GALNTL6: variants seen among roughly 807,000 people sequenced by gnomAD.
GALNTL6 encodes the protein polypeptide N-acetylgalactosaminyltransferase-like 6.
GALNTL6 carries 46 observed loss-of-function variants against 73.7 expected under a neutral mutation model. The observed-to-expected ratio is 0.62, with a 90% CI of 0.49 to 0.80. The LOEUF (loss-of-function observed/expected upper bound fraction) is 0.80. Ranked by LOEUF, GALNTL6 falls within the 30% of genes least tolerant of loss-of-function variation. GALNTL6 has a pLI of 0.00. For synonymous variants in GALNTL6, 259 were observed against 263.7 expected (o/e 0.98, Z 0.17); for missense variants, 604 against 755.0 (o/e 0.80, Z 2.34).
intron 5 of GALNTL6, among the ~76,000 whole-genome samples, chr4:172,665,953 G>T (rs1336621876): frequency 2.0e-5 from 3 of 151,882 alleles, no homozygotes; most frequent in East Asian, 3.9e-4. Context: ...TTTTACCTCT[G>T]TCCCCTTCTT....
intron 3 of GALNTL6, among the ~76,000 whole-genome samples, chr4:172,245,705 C>T (rs1463344801): frequency 6.6e-6 from 1 of 152,152 alleles, no homozygotes; most frequent in African/African-American, 2.4e-5. Context: ...TATCCAAGAT[C>T]TGGCACAAAT....
chr4:172,310,056 C>T (rs1369273242), intron 3 of GALNTL6, among the ~76,000 whole-genome samples: 1 of 151,880 alleles, frequency 6.6e-6, no homozygotes, highest in Admixed American at 6.6e-5. Flanking sequence ...TTTATTAAAC[C>T]GTTCATACAG....
intron 5 of GALNTL6, among the ~76,000 whole-genome samples, chr4:172,451,030 A>G (rs1732189194): frequency 6.6e-6 from 1 of 152,222 alleles, no homozygotes; most frequent in Non-Finnish European, 1.5e-5. Flanking sequence ...CAGCATTCCC[A>G]GTGCCCAGAC....
chr4:172,633,048 C>T (rs997817336), intron 5 of GALNTL6, among the ~76,000 whole-genome samples: 1 of 152,194 alleles, frequency 6.6e-6, no homozygotes, highest in Admixed American at 6.5e-5. Flanking sequence ...GATGTCCAGG[C>T]AGATGTTTGC....
At chr4:172,651,289 A>C (rs920846013) in intron 5 of GALNTL6, among the ~76,000 whole-genome samples, 1 of 152,236 alleles carries the variant, frequency 6.6e-6, no homozygotes, top group African/African-American at 2.4e-5. Flanking sequence ...GTTCTATAAA[A>C]GGGAAATGAT....
intron 5 of GALNTL6, among the ~76,000 whole-genome samples, chr4:172,744,730 G>A (rs1736994721): frequency 6.6e-6 from 1 of 152,016 alleles, no homozygotes; most frequent in South Asian, 2.1e-4. Context: ...TTATCTCTCA[G>A]TTGGCCTCTG....
At chr4:172,073,048 A>G (rs1731594318) in intron 2 of GALNTL6, among the ~76,000 whole-genome samples, 1 of 152,124 alleles carries the variant, frequency 6.6e-6, no homozygotes, top group Non-Finnish European at 1.5e-5. Context: ...AATTCTTAAC[A>G]TTAGACTAAT....
intron 6 of GALNTL6, among the ~76,000 whole-genome samples, chr4:172,812,779 A>G (rs887735007): frequency 1.3e-5 from 2 of 152,232 alleles, no homozygotes; most frequent in African/African-American, 4.8e-5. Flanking sequence ...TTTCTCGTAC[A>G]TAAATTGGGG....
chr4:172,245,469 A>G (rs918465320), intron 3 of GALNTL6, among the ~76,000 whole-genome samples: 1 of 152,176 alleles, frequency 6.6e-6, no homozygotes, highest in African/African-American at 2.4e-5. Flanking sequence ...GAAGAAGAGT[A>G]AGAACTAAAA....
At chr4:171,903,407 C>T (rs1004206074) in intron 2 of GALNTL6, among the ~76,000 whole-genome samples, 2 of 152,106 alleles carry the variant, frequency 1.3e-5, no homozygotes, top group Non-Finnish European at 2.9e-5. Flanking sequence ...AATCGGGTCA[C>T]TCCCACCCAA....
intron 5 of GALNTL6, among the ~76,000 whole-genome samples, chr4:172,603,448 A>T (rs962430526): frequency 6.6e-6 from 1 of 152,158 alleles, no homozygotes; most frequent in African/African-American, 2.4e-5. Flanking sequence ...CAAACCAGTA[A>T]ATAGTCATTG....
chr4:172,956,913 A>G (rs1749778267), intron 10 of GALNTL6, among the ~76,000 whole-genome samples: 1 of 152,104 alleles, frequency 6.6e-6, no homozygotes, highest in South Asian at 2.1e-4. Context: ...TGCTTGGGTG[A>G]TTTGACTAGT....
At chr4:172,752,046 T>TAAAAAAAAAAAAAAA (rs5864166) in intron 5 of GALNTL6, among the ~76,000 whole-genome samples, 1 of 135,022 alleles carries the variant, frequency 7.4e-6, no homozygotes, top group Non-Finnish European at 1.6e-5. Context: ...AACTTAAACT[T>TAAAAAAAAAAAAAAA]AAAAAAAAAA....
chr4:172,223,556 G>T (rs934231761), intron 2 of GALNTL6, among the ~76,000 whole-genome samples: 1 of 151,902 alleles, frequency 6.6e-6, no homozygotes, highest in Non-Finnish European at 1.5e-5. Flanking sequence ...TTTGTGTGTG[G>T]CTTCACCTTA....
chr4:172,209,111 T>C (rs1736239595), intron 2 of GALNTL6, among the ~76,000 whole-genome samples: 1 of 152,098 alleles, frequency 6.6e-6, no homozygotes, highest in Admixed American at 6.6e-5. Context: ...CAAAGAATAA[T>C]ATTTGCTCAA....
intron 7 of GALNTL6, among the ~76,000 whole-genome samples, chr4:172,845,339 A>T (rs1038004024): frequency 6.6e-6 from 1 of 152,172 alleles, no homozygotes; most frequent in African/African-American, 2.4e-5. Flanking sequence ...CATTAATCCA[A>T]TAGATCTCAG....
chr4:171,885,330 A>T (rs1006018637), intron 2 of GALNTL6, among the ~76,000 whole-genome samples: 6 of 152,050 alleles, frequency 3.9e-5, no homozygotes, highest in Non-Finnish European at 8.8e-5. Context: ...TACTTTGTTG[A>T]TATGTATTTC....
At position 171,833,930 on chromosome 4, in the gene GALNTL6, G is replaced by A. The variant is rs576379723; in HGVS notation, c.138+19212G>A. On this transcript the variant is annotated intron_variant, in intron 2 of 12. Coordinates refer to ENST00000506823, the MANE Select transcript of GALNTL6 (RefSeq NM_001034845.3). Reference sequence around the variant, plus strand: ...CATTTCAACCACTGTTTGAAAATACGGAGCAAAATATGCAATGTGATCTCC... The same window carrying A: ...CATTTCAACCACTGTTTGAAAATACAGAGCAAAATATGCAATGTGATCTCC... Among the ~76,000 whole-genome samples, 61 of 151,454 alleles carry A rather than the reference G, an allele frequency of 4.0e-4. 1 individual carries two copies. In the East Asian group the frequency reaches 5.2e-3, roughly 13 times the overall value.
intron 10 of GALNTL6, among the ~76,000 whole-genome samples, chr4:173,001,205 A>G (rs10023578): frequency 0.96 from 146,376 of 152,274 alleles, 70,651 homozygotes; most frequent in Middle Eastern, 1. Context: ...ACCAACCTGC[A>G]AACACCTTGA....
Sources: gnomAD v4.1 joint callset for allele counts (sites outside exome capture counted in the v4.1 genomes callset) on GRCh38, gnomAD v4.1.1 for gene constraint, MANE v1.5 for transcripts, NCBI Gene and HGNC (gene_info 2026-07-23, HGNC 2026-07-21) for gene names.